Variants in HDAC9 observed in about 807,000 individuals in gnomAD.
HDAC9 encodes the protein MEF-2 interacting transcription repressor (MITR) protein.
HDAC9 carries 41 observed loss-of-function variants against 139.4 expected under a neutral mutation model. The ratio of observed to expected loss-of-function variants is 0.29; its 90% CI spans 0.23 to 0.38. HDAC9 has a LOEUF of 0.38. Among genes scored for constraint, HDAC9 ranks in the 10% least tolerant of loss-of-function variants. HDAC9 has a pLI of 1.00. For synonymous variants in HDAC9, 517 were observed against 476.2 expected (o/e 1.09, Z -1.12); for missense variants, 1,147 against 1,297.0 (o/e 0.88, Z 1.78).
At chr7:18,932,224 A>C (rs1212113228) in intron 22 of HDAC9, among the ~76,000 whole-genome samples, 1 of 152,188 alleles carries the variant, frequency 6.6e-6, no homozygotes, top group Non-Finnish European at 1.5e-5. Flanking sequence ...ATAAAAAATG[A>C]AATGTTCTAC....
chr7:18,832,658 C>A (rs894139826), intron 19 of HDAC9, among the ~76,000 whole-genome samples: 1 of 152,036 alleles, frequency 6.6e-6, no homozygotes, highest in African/African-American at 2.4e-5. Flanking sequence ...AAGAAACAAG[C>A]TTTAGATCAT....
At chr7:18,725,575 G>A (rs528686177) in intron 12 of HDAC9, among the ~76,000 whole-genome samples, 5 of 152,102 alleles carry the variant, frequency 3.3e-5, no homozygotes, top group South Asian at 4.1e-4. Flanking sequence ...GAAGTTGGGT[G>A]ATCAGTTAGG....
At chr7:18,149,591 C>T (rs910592509) in intron 1 of HDAC9, among the ~76,000 whole-genome samples, 1 of 151,868 alleles carries the variant, frequency 6.6e-6, no homozygotes, top group African/African-American at 2.4e-5. Flanking sequence ...CAGTCTGTCG[C>T]CCAGGCTGGA....
chr7:18,107,535 C>A (rs746609377), intron 1 of HDAC9, among the ~76,000 whole-genome samples: 21 of 152,120 alleles, frequency 1.4e-4, no homozygotes, highest in Non-Finnish European at 2.9e-4. Context: ...CACACGCACA[C>A]ACACACACAG....
chr7:18,811,073 C>G (rs1794136009), intron 17 of HDAC9, among the ~76,000 whole-genome samples: 1 of 151,662 alleles, frequency 6.6e-6, no homozygotes, highest in South Asian at 2.1e-4. Context: ...AAAGTAATTA[C>G]CACTTTATTT....
At chr7:18,623,681 C>A (rs546023253) in intron 6 of HDAC9, among the ~76,000 whole-genome samples, 2 of 152,148 alleles carry the variant, frequency 1.3e-5, no homozygotes, top group Non-Finnish European at 2.9e-5. Context: ...CAGTGGCTCA[C>A]GCTTGTAATC....
At chr7:18,362,731 C>T (rs1303098496) in intron 1 of HDAC9, among the ~76,000 whole-genome samples, 1 of 152,076 alleles carries the variant, frequency 6.6e-6, no homozygotes, top group Middle Eastern at 3.2e-3. Context: ...TTGCTGGTGA[C>T]TTTAAATTTC....
intron 8 of HDAC9, among the ~76,000 whole-genome samples, chr7:18,643,091 T>G (rs1294971095): frequency 6.6e-6 from 1 of 152,152 alleles, no homozygotes; most frequent in East Asian, 1.9e-4. Context: ...TAAAATATTT[T>G]TACTTCCTTA....
rs528674952 is a variant in HDAC9, at chr7:18,623,163, G to A, written c.665-6187G>A. 7.9e-3 allele frequency among the ~76,000 whole-genome samples: 1,169 copies of A among 148,870 alleles called. 12 individuals are homozygous for A. Among genetic ancestry groups the A allele is most frequent in the African/African-American group, 0.027 (1,102 of 40,724 alleles). Reference sequence around the variant, plus strand: ...GGTCTCTGGAAAAAAAAAAAAAAAAGTGAGCAGAGGCAAAATACACATAGT... The same window carrying A: ...GGTCTCTGGAAAAAAAAAAAAAAAAATGAGCAGAGGCAAAATACACATAGT... On this transcript the variant is annotated intron_variant, in intron 6 of 25. Coordinates refer to ENST00000686413, the MANE Select transcript of HDAC9 (RefSeq NM_178425.4).
intron 1 of HDAC9, among the ~76,000 whole-genome samples, chr7:18,482,100 T>C (rs539506070): frequency 6.6e-6 from 1 of 152,126 alleles, no homozygotes; most frequent in South Asian, 2.1e-4. Flanking sequence ...CAGGAGCCTC[T>C]GTAACTCTGA....
chr7:18,358,657 C>T (rs1157236666), intron 1 of HDAC9, among the ~76,000 whole-genome samples: 1 of 152,172 alleles, frequency 6.6e-6, no homozygotes, highest in Non-Finnish European at 1.5e-5. Flanking sequence ...AGGAACTTAT[C>T]TTTTAATCGA....
At chr7:18,263,148 T>A (rs898046560) in intron 2 of HDAC9, among the ~76,000 whole-genome samples, 2 of 152,070 alleles carry the variant, frequency 1.3e-5, no homozygotes, top group Admixed American at 6.6e-5. Context: ...AGTAAAAGAA[T>A]GTAGAAAGTA....
rs182608835 is a variant in HDAC9 at position 18,999,831 on chromosome 7, T to C, written c.*3769T>C. ...CTGTCGAATGTTTACTCTCATCTTA[T>C]CTCAATGAAAGAAGTATTAAAAGTC... On this transcript the variant is annotated 3_prime_UTR_variant, in exon 26 of 26. Transcript: ENST00000686413. 1.3e-5 allele frequency: 2 copies of C among 151,904 alleles called. No individual in the cohort carries two copies. Among genetic ancestry groups the C allele is most frequent in the Admixed American group, 1.3e-4 (2 of 15,270 alleles). 9.4% of individuals were successfully genotyped at this position (151,904 alleles called of 1,614,324 possible). A position where few individuals can be genotyped will look rare whatever the true frequency, so the allele number is the denominator to read the frequency against.
chr7:18,678,502 A>G (rs1291117100), intron 12 of HDAC9, among the ~76,000 whole-genome samples: 1 of 151,670 alleles, frequency 6.6e-6, no homozygotes, highest in Non-Finnish European at 1.5e-5. Flanking sequence ...TCAAGTTTCC[A>G]TATTTTTTTC....
At chr7:18,744,166 A>G (rs1361360407) in intron 13 of HDAC9, among the ~76,000 whole-genome samples, 1 of 151,756 alleles carries the variant, frequency 6.6e-6, no homozygotes, top group East Asian at 1.9e-4. Context: ...AATTTTTTGT[A>G]TTTTTAGTAG....
chr7:18,373,961 G>T (rs1025101303), intron 1 of HDAC9, among the ~76,000 whole-genome samples: 1 of 151,832 alleles, frequency 6.6e-6, no homozygotes, highest in East Asian at 1.9e-4. Context: ...TAATGGGGGA[G>T]ATATTAATTT....
chr7:18,982,739 G>A (rs894399373), intron 25 of HDAC9, among the ~76,000 whole-genome samples: 3 of 152,066 alleles, frequency 2.0e-5, no homozygotes, highest in African/African-American at 7.2e-5. Flanking sequence ...CGTGTGTACT[G>A]TATTTCTTAA....
At chr7:18,480,327 A>G (rs972646254) in intron 1 of HDAC9, among the ~76,000 whole-genome samples, 1 of 152,210 alleles carries the variant, frequency 6.6e-6, no homozygotes, top group Admixed American at 6.5e-5. Flanking sequence ...GTCCGAATCT[A>G]TGTTTTTTCT....
chr7:18,189,920 GGTGTGTGTGT>G (rs35060071), intron 2 of HDAC9, among the ~76,000 whole-genome samples: 2 of 145,156 alleles, frequency 1.4e-5, no homozygotes, highest in Admixed American at 6.9e-5. Context: ...ACTTGTGTGT[GGTGTGTGTGT>G]GTGTGTGTGT....
Sources: allele counts gnomAD v4.1 joint callset (sites outside exome capture counted in the v4.1 genomes callset), GRCh38; gene constraint gnomAD v4.1.1; transcripts MANE v1.5; gene names NCBI Gene and HGNC (gene_info 2026-07-23, HGNC 2026-07-21).